Variants in LIMCH1 observed in about 807,000 individuals in gnomAD.
LIMCH1 encodes LIM and calponin homology domains-containing protein 1.
In LIMCH1, 113 loss-of-function variants were observed where a neutral mutation model predicts 176.5. The observed-to-expected ratio is 0.64, with a 90% CI of 0.55 to 0.75. The LOEUF is 0.75. Among genes scored for constraint, LIMCH1 ranks in the 30% least tolerant of loss-of-function variants. The pLI, the probability that LIMCH1 is intolerant of heterozygous loss-of-function variation, is 0.00. For synonymous variants in LIMCH1, 619 were observed against 645.9 expected, an observed-to-expected ratio of 0.96 and a Z score of 0.63; for missense variants, 1,674 against 1,814.9, an observed-to-expected ratio of 0.92 and a Z score of 1.41.
intron 2 of LIMCH1, among the ~76,000 whole-genome samples, chr4:41,495,550 C>T (rs866666824): frequency 1.3e-5 from 2 of 152,122 alleles, no homozygotes; most frequent in African/African-American, 4.8e-5. Flanking sequence ...TTTTTGGCAA[C>T]TTTCAGAATA....
chr4:41,360,026 G>GGTGTGTGTGTGTGTGTGTGTGTGTGTGT (rs35179191), upstream of LIMCH1, among the ~76,000 whole-genome samples: 1 of 145,774 alleles, frequency 6.9e-6, no homozygotes, highest in African/African-American at 2.6e-5. The surrounding 1 kb of genome is among the most constrained non-coding windows in gnomAD (Gnocchi z 4.5). Context: ...GGGTGTGTAG[G>GGTGTGTGTGTGTGTGTGTGTGTGTGTGT]GTGTGTGTGT....
chr4:41,422,070 G>A lies in LIMCH1; in HGVS notation c.96+61134G>A, dbSNP rs576858798. Among the ~76,000 whole-genome samples, 990 of 152,154 alleles carry A rather than the reference G, an allele frequency of 6.5e-3. 12 individuals carry two copies. Among genetic ancestry groups the A allele is most frequent in the African/African-American group, 0.023 (961 of 41,518 alleles). The stretch of plus-strand genomic sequence containing the variant: ...TGCACTCCAGCCTGGGTGACAGAGC[G>A]AGGCTCTGTCTCAAAACAAGCAAAG... On this transcript the variant is annotated intron_variant, in intron 1 of 26. Transcript: ENST00000313860.
intron 3 of LIMCH1, among the ~76,000 whole-genome samples, chr4:41,532,075 C>G (rs2077388933): frequency 6.6e-6 from 1 of 152,190 alleles, no homozygotes; most frequent in African/African-American, 2.4e-5. Flanking sequence ...GCTCAATTTG[C>G]TGCTCTCAAG....
intron 1 of LIMCH1, among the ~76,000 whole-genome samples, chr4:41,391,064 A>G (rs1275899565): frequency 1.3e-5 from 2 of 152,208 alleles, no homozygotes; most frequent in Non-Finnish European, 2.9e-5. Context: ...AATAAATGCT[A>G]TTGATTAAAC....
At chr4:41,644,431 G>T (rs2093971437) in intron 14 of LIMCH1, 69 bp from the exon 15 acceptor site, 8 of 1,412,974 alleles carry the variant, frequency 5.7e-6, no homozygotes, top group Non-Finnish European at 7.4e-6. Flanking sequence ...GCGGCAGGAC[G>T]CCCAGGCGCG....
chr4:41,564,352 G>A (rs1343825716), intron 1 of LIMCH1, among the ~76,000 whole-genome samples: 1 of 152,090 alleles, frequency 6.6e-6, no homozygotes, highest in Non-Finnish European at 1.5e-5. Context: ...CCTGGTTCCC[G>A]TGAAAGCATT....
rs377137010 is a variant in LIMCH1 at position 41,676,324 on chromosome 4, C to T, written c.3439-58C>T. 3.0e-4 allele frequency: 418 copies of T among 1,398,876 alleles called. 1 individual carries two copies. The highest frequency in any genetic ancestry group is 3.9e-4 in the Non-Finnish European group (391 of 994,386). The allele number at this position is 1,398,876 out of a possible 1,614,324, so 86.7% of individuals were successfully genotyped here. A position where few individuals can be genotyped will look rare whatever the true frequency, so the allele number is the denominator to read the frequency against. On this transcript the variant is annotated intron_variant, in intron 22 of 31. Transcript: ENST00000503057. The stretch of plus-strand genomic sequence containing the variant: ...AGAGGCCAATTGTCTACTCTTCACC[C>T]GGCCTGTCCCTTGAGGACATGGCTC...
At chr4:41,468,943 G>T (rs553608191) in intron 1 of LIMCH1, among the ~76,000 whole-genome samples, 1 of 152,290 alleles carries the variant, frequency 6.6e-6, no homozygotes, top group South Asian at 2.1e-4. Flanking sequence ...CACAGGCAAA[G>T]TGTTTATCCT....
intron 2 of LIMCH1, among the ~76,000 whole-genome samples, chr4:41,504,613 T>C (rs147985955): frequency 1.3e-5 from 2 of 152,372 alleles, no homozygotes; most frequent in East Asian, 3.9e-4. Flanking sequence ...TGGCTATTTG[T>C]AGCTTGCGCA....
chr4:41,391,290 A>G (rs569222174), intron 1 of LIMCH1, among the ~76,000 whole-genome samples: 266 of 152,326 alleles, frequency 1.7e-3, no homozygotes, highest in African/African-American at 6.1e-3. Context: ...ATTACATCAT[A>G]TAGCTGGTTG....
chr4:41,454,485 G>T (rs2064292949), intron 1 of LIMCH1, among the ~76,000 whole-genome samples: 1 of 152,020 alleles, frequency 6.6e-6, no homozygotes, highest in South Asian at 2.1e-4. Context: ...GAGAGAGAGA[G>T]AATGTGCATC....
At chr4:41,604,234 T>A in intron 3 of LIMCH1, 3 of 984,714 alleles carry the variant, frequency 3.0e-6, no homozygotes, top group Non-Finnish European at 3.6e-6. Flanking sequence ...TAGGCACAGA[T>A]GGGATTATTA....
chr4:41,592,465 T>C (rs1156250938), intron 1 of LIMCH1, among the ~76,000 whole-genome samples: 3 of 152,302 alleles, frequency 2.0e-5, no homozygotes, highest in African/African-American at 7.2e-5. Flanking sequence ...CAACTATCTT[T>C]TTTTTTTCTT....
At chr4:41,538,880 G>A (rs765308038) in intron 1 of LIMCH1, among the ~76,000 whole-genome samples, 1 of 152,180 alleles carries the variant, frequency 6.6e-6, no homozygotes, top group Non-Finnish European at 1.5e-5. Flanking sequence ...GGGGAGGCAG[G>A]GAGGAGTCTG....
At chr4:41,481,406 C>T (rs954880976) in intron 1 of LIMCH1, among the ~76,000 whole-genome samples, 1 of 152,176 alleles carries the variant, frequency 6.6e-6, no homozygotes, top group African/African-American at 2.4e-5. Context: ...AGTTATATGA[C>T]CTTGAGCAAG....
At chr4:41,655,714 G>C (rs1254968620) in intron 18 of LIMCH1, among the ~76,000 whole-genome samples, 2 of 151,642 alleles carry the variant, frequency 1.3e-5, no homozygotes, top group Non-Finnish European at 2.9e-5. Context: ...GTAGAGAATG[G>C]GGTCTCACTA....
intron 2 of LIMCH1, among the ~76,000 whole-genome samples, chr4:41,511,990 AT>A (rs2074984181): frequency 1.3e-5 from 2 of 152,222 alleles, no homozygotes; most frequent in South Asian, 4.1e-4. Flanking sequence ...GGGAAAAAAT[AT>A]TTGCAAATCA....
chr4:41,697,335 G>T lies in LIMCH1; in HGVS notation c.*150G>T. On this transcript the variant is annotated 3_prime_UTR_variant, in exon 32 of 32. Coordinates refer to ENST00000503057, the MANE Select transcript of LIMCH1 (RefSeq NM_001330672.2). ...GAAAGGTGGTATCTGTTCTTTCGTA[G>T]CACAGTGTTTATGTTTTTCCTGTTT... 3.0e-6 allele frequency: 2 copies of T among 657,024 alleles called. No homozygotes were observed. Among genetic ancestry groups the T allele is most frequent in the Non-Finnish European group, 2.7e-6 (1 of 375,496 alleles). The allele number at this position is 657,024 out of a possible 1,614,324, so 40.7% of individuals were successfully genotyped here.
chr4:41,433,378 A>G (rs1383783553), intron 1 of LIMCH1, among the ~76,000 whole-genome samples: 5 of 152,196 alleles, frequency 3.3e-5, no homozygotes, highest in Non-Finnish European at 7.3e-5. Flanking sequence ...TGTATAAGAA[A>G]TGACTCCAAA....
Sources: gnomAD v4.1 joint callset for allele counts (sites outside exome capture counted in the v4.1 genomes callset) on GRCh38, gnomAD v4.1.1 for gene constraint, Gnocchi (gnomAD v3.1) non-coding constraint, MANE v1.5 for transcripts, NCBI Gene and HGNC (gene_info 2026-07-23, HGNC 2026-07-21) for gene names.